CD82: variants seen among roughly 807,000 people sequenced by gnomAD.
The protein encoded by CD82 is CD82 molecule.
Under a neutral mutation model 37.4 loss-of-function variants are expected in CD82, and 36 were observed. That is an observed-to-expected ratio of 0.96 (90% CI 0.74 to 1.27). The LOEUF is 1.27. Ranked by LOEUF, CD82 falls within the 50% of genes most tolerant of loss-of-function variation. The pLI is 0.00. For missense variants in CD82, 340 were observed against 347.0 expected (o/e 0.98, Z 0.16); for synonymous variants, 158 against 137.4 (o/e 1.15, Z -1.05).
At position 44,597,166 on chromosome 11, in the gene CD82, C is replaced by T. The variant is rs1023216970; in HGVS notation, c.63+2441C>T. Among the ~76,000 whole-genome samples the T allele has an allele frequency of 1.5e-4, 23 of 152,164 alleles. No individual in the cohort carries two copies. The highest frequency in any genetic ancestry group is 1.0e-3 in the Admixed American group (16 of 15,284). ...AATCCCCGTGGCTGCTATGTGTGCT[C>T]GCGCCTGCGTGCATGTGCACCTGTA... is the stretch of plus-strand genomic sequence containing the variant. On this transcript the variant is annotated intron_variant, in intron 3 of 9. Transcript: ENST00000227155. This position sits in a 1 kb window ranked among gnomAD's most constrained non-coding sequence, Gnocchi z 4.1.
chr11:44,578,310 T>C (rs1306769088), intron 1 of CD82, among the ~76,000 whole-genome samples: 1 of 152,174 alleles, frequency 6.6e-6, no homozygotes, highest in East Asian at 1.9e-4. Flanking sequence ...CCTATATTCC[T>C]GTGGGAAGAG....
chr11:44,603,576 GCAT>G (rs1392798555), intron 4 of CD82, among the ~76,000 whole-genome samples: 1 of 152,044 alleles, frequency 6.6e-6, no homozygotes, highest in Admixed American at 6.5e-5. Flanking sequence ...TCAAGCATCT[GCAT>G]CCCTAAGAGG....
chr11:44,615,402 CT>C, intron 7 of CD82, 29 bp downstream of exon 7: 2 of 1,422,394 alleles, frequency 1.4e-6, no homozygotes, highest in South Asian at 2.3e-5. Context: ...GCAGGAGGCT[CT>C]CTGGCCTGGG....
chr11:44,613,645 AG>A (rs1853518953), intron 6 of CD82, among the ~76,000 whole-genome samples: 2 of 152,096 alleles, frequency 1.3e-5, no homozygotes, highest in African/African-American at 4.8e-5. Flanking sequence ...CAACATGGCG[AG>A]ACCCTGTCCC....
rs113713156 is a variant in CD82 at position 44,617,836 on chromosome 11, C to G, written c.439-326C>G. 3.0e-3 allele frequency among the ~76,000 whole-genome samples: 452 copies of G among 152,302 alleles called. 2 individuals are homozygous for G. Among genetic ancestry groups the G allele is most frequent in the African/African-American group, 0.01 (428 of 41,562 alleles). Reference sequence around the variant, plus strand: ...GGCTAGTTCCTTGATGGAGGTTGCTCAGCTGGTAGGCGGCAGGGCTGGGAT... The same window carrying G: ...GGCTAGTTCCTTGATGGAGGTTGCTGAGCTGGTAGGCGGCAGGGCTGGGAT... On this transcript the variant is annotated intron_variant, in intron 7 of 9. Coordinates refer to ENST00000227155, the MANE Select transcript of CD82 (RefSeq NM_002231.4).
chr11:44,599,238 G>A (rs1853272925), intron 3 of CD82, among the ~76,000 whole-genome samples: 1 of 152,192 alleles, frequency 6.6e-6, no homozygotes, highest in African/African-American at 2.4e-5. Flanking sequence ...GACTTCCCTG[G>A]GGCCAAGTGA....
chr11:44,579,847 C>T (rs1048416347), intron 1 of CD82, among the ~76,000 whole-genome samples: 8 of 152,166 alleles, frequency 5.3e-5, no homozygotes, highest in East Asian at 1.9e-4. Context: ...GCTGGGCTCC[C>T]GTCATGGAGA....
intron 2 of CD82, 42 bp from the exon 3 acceptor site, chr11:44,594,601 G>T: frequency 1.6e-6 from 2 of 1,279,444 alleles, no homozygotes; most frequent in South Asian, 1.2e-5. Flanking sequence ...AGGGCAGACT[G>T]AGCTGATCCC....
intron 1 of CD82, among the ~76,000 whole-genome samples, chr11:44,586,452 C>T (rs533994669): frequency 1.3e-5 from 2 of 152,304 alleles, no homozygotes; most frequent in South Asian, 4.1e-4. Flanking sequence ...TACTTGAACC[C>T]AGGCATTTGA....
Position 44,618,572 on chromosome 11 carries a change from C to T in CD82, c.643-68C>T, listed in dbSNP as rs113281135. ...TTCCGGGCTGGGACTGGGGGGCTCT[C>T]GGTGGTTCTGCATGGCGGGGTGGGA... On this transcript the variant is annotated intron_variant, in intron 8 of 9. Transcript: ENST00000227155. The T allele has an allele frequency of 7.9e-3, 10,847 of 1,368,704 alleles. 63 individuals carry two copies. Among genetic ancestry groups the T allele is most frequent in the Middle Eastern group, 9.1e-3 (50 of 5,514 alleles). 84.8% of individuals were successfully genotyped at this position (1,368,704 alleles called of 1,614,324 possible). A position where few individuals can be genotyped will look rare whatever the true frequency, so the allele number is the denominator to read the frequency against.
intron 1 of CD82, among the ~76,000 whole-genome samples, chr11:44,575,583 G>A (rs1283722859): frequency 2.6e-5 from 4 of 152,214 alleles, no homozygotes; most frequent in African/African-American, 7.2e-5. Flanking sequence ...CCCAGGGGAC[G>A]CTGCATCTGC....
intron 3 of CD82, among the ~76,000 whole-genome samples, chr11:44,599,867 C>G (rs933281594): frequency 2.0e-5 from 3 of 152,190 alleles, no homozygotes; most frequent in Non-Finnish European, 4.4e-5. Flanking sequence ...GGAGATGTGG[C>G]AGGAAGGGTG....
chr11:44,610,682 A>C (rs890863014), intron 6 of CD82, among the ~76,000 whole-genome samples: 1 of 152,030 alleles, frequency 6.6e-6, no homozygotes, highest in Non-Finnish European at 1.5e-5. Context: ...CTTTCTATCT[A>C]TGTGATCTTG....
chr11:44,613,346 G>A (rs899262943), intron 6 of CD82, among the ~76,000 whole-genome samples: 1 of 152,242 alleles, frequency 6.6e-6, no homozygotes, highest in African/African-American at 2.4e-5. Flanking sequence ...CGCCGAGGGA[G>A]GCCCTGCCCT....
intron 1 of CD82, among the ~76,000 whole-genome samples, chr11:44,572,273 C>T (rs566922263): frequency 5.3e-5 from 8 of 152,188 alleles, no homozygotes; most frequent in Admixed American, 1.3e-4. Context: ...CTACATGTAA[C>T]GTACCCGTTA....
Position 44,605,436 on chromosome 11 carries a change from C to T in CD82, c.336+7C>T, listed in dbSNP as rs770700242. The T allele has an allele frequency of 2.5e-6, 4 of 1,613,162 alleles. No individual in the cohort carries two copies. In the South Asian group the frequency reaches 3.3e-5, roughly 13 times the overall value. ...CTACTTCAACATGGGCAAGGTAAGC[C>T]CCTCTCTCCCTCCCTCTTCACTGGG... is the stretch of plus-strand genomic sequence containing the variant. On this transcript the variant is annotated splice_region_variant and intron_variant, in intron 6 of 9. Coordinates refer to ENST00000227155, the MANE Select transcript of CD82 (RefSeq NM_002231.4).
Position 44,594,947 on chromosome 11 carries a change from C to A in CD82, c.63+222C>A, listed in dbSNP as rs1021217836. 1.2e-4 allele frequency: 70 copies of A among 566,168 alleles called. No homozygotes were observed. In the Admixed American group the frequency reaches 1.7e-3, roughly 13 times the overall value. 35.1% of individuals were successfully genotyped at this position (566,168 alleles called of 1,614,324 possible). ...ACCAAGCACTGGATTCCTGACCCGG[C>A]CTTCCCCTCTCCTAGATCACCCAAA... On this transcript the variant is annotated intron_variant, in intron 3 of 9. Transcript: ENST00000227155.
intron 2 of CD82, among the ~76,000 whole-genome samples, chr11:44,588,505 A>G (rs187008358): frequency 2.0e-4 from 30 of 152,280 alleles, no homozygotes; most frequent in Non-Finnish European, 3.2e-4. Context: ...TACAGGCTTG[A>G]GCCACCGTAC....
intron 1 of CD82, among the ~76,000 whole-genome samples, chr11:44,579,364 C>T (rs990752343): frequency 4.0e-5 from 6 of 151,818 alleles, no homozygotes; most frequent in African/African-American, 9.7e-5. Context: ...TGGCCTGGCT[C>T]CAGGGGTGGG....
Sources: gnomAD v4.1 joint callset for allele counts (sites outside exome capture counted in the v4.1 genomes callset) on GRCh38, gnomAD v4.1.1 for gene constraint, Gnocchi (gnomAD v3.1) non-coding constraint, MANE v1.5 for transcripts, NCBI Gene and HGNC (gene_info 2026-07-23, HGNC 2026-07-21) for gene names.